The following VAV2 variants were observed in gnomAD, a reference collection of about 807,000 sequenced individuals.
VAV2 encodes guanine nucleotide exchange factor VAV2.
Under a neutral mutation model 132.5 loss-of-function variants are expected in VAV2, and 67 were observed. The observed-to-expected ratio is 0.51, with a 90% confidence interval of 0.42 to 0.62. VAV2 has a LOEUF of 0.62. Ranked by LOEUF, VAV2 falls within the 20% of genes least tolerant of loss-of-function variation. The probability of loss-of-function intolerance (pLI) is 0.00; values close to 1 mark genes in which losing one functional copy is unlikely to be tolerated. For synonymous variants in VAV2, 492 were observed against 443.5 expected (o/e 1.11, Z -1.37); for missense variants, 938 against 1,153.6 (o/e 0.81, Z 2.71).
chr9:133,872,229 A>G (rs1838084732), intron 2 of VAV2, among the ~76,000 whole-genome samples: 1 of 147,378 alleles, frequency 6.8e-6, no homozygotes, highest in Non-Finnish European at 1.5e-5. Context: ...GAGGGAAGAG[A>G]AGAAAGGGGC....
In VAV2 at chr9:133,879,655, C is replaced by G. The variant is rs115869906; in HGVS notation, c.322-18223G>C. 1.1e-4 allele frequency among the ~76,000 whole-genome samples: 16 copies of G among 152,304 alleles called. No individual in the cohort carries two copies. The South Asian group carries it at 3.3e-3, about 32-fold the overall frequency. ...AAGCAACAAGCCGCACACACCAGGACGAACAGCACTGCTGGCTCAGATGAA... is the reference window on the plus strand; with the variant it reads ...AAGCAACAAGCCGCACACACCAGGAGGAACAGCACTGCTGGCTCAGATGAA... On this transcript the variant is annotated intron_variant, in intron 2 of 29. Coordinates refer to ENST00000371850, the MANE Select transcript of VAV2 (RefSeq NM_001134398.2). The surrounding 1 kb of genome is among the most constrained non-coding windows in gnomAD (Gnocchi z 4.4).
intron 2 of VAV2, among the ~76,000 whole-genome samples, chr9:133,877,127 CA>C (rs1838295474): frequency 6.6e-6 from 1 of 152,172 alleles, no homozygotes; most frequent in Non-Finnish European, 1.5e-5. Flanking sequence ...CTGTTTCCCA[CA>C]GAACCCCCGC....
rs1392706234 is a variant in VAV2 at position 133,804,033 on chromosome 9, T to C, written c.836+2048A>G. Among the ~76,000 whole-genome samples the C allele has an allele frequency of 6.6e-6, 1 of 152,150 alleles. No homozygotes were observed. Among genetic ancestry groups the C allele is most frequent in the Non-Finnish European group, 1.5e-5 (1 of 68,024 alleles). On this transcript the variant is annotated intron_variant, in intron 9 of 29. Coordinates refer to ENST00000371850, the MANE Select transcript of VAV2 (RefSeq NM_001134398.2). This position sits in a 1 kb window ranked among gnomAD's most constrained non-coding sequence, Gnocchi z 4.5. ...GCCGCAGCTCCCCCCGGAGCTTCTC[T>C]ATCTTGTCTTGGTTCTCATCCATCC...
intron 4 of VAV2, among the ~76,000 whole-genome samples, chr9:133,812,861 C>CCA (rs1253739509): frequency 6.6e-6 from 1 of 152,186 alleles, no homozygotes; most frequent in African/African-American, 2.4e-5. Context: ...AGCTCACGGG[C>CCA]CACCTCCTCC....
chr9:133,869,701 G>A (rs1837952102), intron 2 of VAV2, among the ~76,000 whole-genome samples: 1 of 152,180 alleles, frequency 6.6e-6, no homozygotes, highest in Non-Finnish European at 1.5e-5. Flanking sequence ...TGCTCTCAGA[G>A]GCTCTGCCGA....
At chr9:133,952,606 G>GA (rs56366481) in intron 1 of VAV2, among the ~76,000 whole-genome samples, 55,254 of 148,390 alleles carry the variant, frequency 0.37, 10,369 homozygotes, top group Non-Finnish European at 0.42. Context: ...CTGTCTCGGG[G>GA]AAAAAAAAAA....
intron 13 of VAV2, 72 bp downstream of exon 13, chr9:133,791,711 G>T: frequency 7.4e-7 from 1 of 1,349,738 alleles, no homozygotes. Context: ...ACTCAATACT[G>T]GGGCTGTGAA....
chr9:133,785,046 CCA>C (rs1250715643), intron 17 of VAV2, among the ~76,000 whole-genome samples: 1 of 152,196 alleles, frequency 6.6e-6, no homozygotes, highest in Non-Finnish European at 1.5e-5. Context: ...CAGGCCTCCC[CCA>C]CAGAGCCTGG....
intron 2 of VAV2, among the ~76,000 whole-genome samples, chr9:133,865,067 G>A (rs2131880056): frequency 6.6e-6 from 1 of 152,320 alleles, no homozygotes; most frequent in Non-Finnish European, 1.5e-5. Context: ...AGTGCTCCCA[G>A]AGCCCAGGCA....
At chr9:133,783,644 C>A in intron 18 of VAV2, 53 bp from the exon 19 acceptor site, 2 of 1,565,020 alleles carry the variant, frequency 1.3e-6, no homozygotes, top group Admixed American at 3.4e-5. Context: ...GCTCCTCATG[C>A]CTCTCTGCCA....
chr9:133,983,310 C>G (rs112906086), intron 1 of VAV2, among the ~76,000 whole-genome samples: 2,932 of 152,344 alleles, frequency 0.019, 90 homozygotes, highest in African/African-American at 0.067. Flanking sequence ...GCCCACCACC[C>G]AGGCCAGAGC....
rs1491248432 is a variant in VAV2 at position 133,964,069 on chromosome 9, A to ATATG, written c.205-24851_205-24850insCATA. Among the ~76,000 whole-genome samples, 5 of 126,238 alleles carry ATATG rather than the reference A, an allele frequency of 4.0e-5. No individual in the cohort carries two copies. The South Asian group carries it at 1.2e-3, about 30-fold the overall frequency. The allele number at this position is 126,238 out of a possible 152,430, so 82.8% of individuals were successfully genotyped here. A position where few individuals can be genotyped will look rare whatever the true frequency, so the allele number is the denominator to read the frequency against. On this transcript the variant is annotated intron_variant, in intron 1 of 29. Transcript: ENST00000371850. ...TATATACATATATATACATATATATAAATGAATAGGCCAGGTATGTTGGCT... is the reference window on the plus strand; with the variant it reads ...TATATACATATATATACATATATATATATGAATGAATAGGCCAGGTATGTTGGCT...
At position 133,883,766 on chromosome 9, in the gene VAV2, C is replaced by T. The variant is rs1266555667; in HGVS notation, c.322-22334G>A. 6.6e-6 allele frequency among the ~76,000 whole-genome samples: 1 copy of T among 152,180 alleles called. No homozygotes were observed. The highest frequency in any genetic ancestry group is 1.5e-5 in the Non-Finnish European group (1 of 68,036). On this transcript the variant is annotated intron_variant, in intron 2 of 29. Coordinates refer to ENST00000371850, the MANE Select transcript of VAV2 (RefSeq NM_001134398.2). This position sits in a 1 kb window ranked among gnomAD's most constrained non-coding sequence, Gnocchi z 4.2. The stretch of plus-strand genomic sequence containing the variant: ...GCGGACGAGAAGCCCTCCCGGGATC[C>T]AGTGCCACTGTGAGGCTCAAGTACA...
intron 2 of VAV2, among the ~76,000 whole-genome samples, chr9:133,896,865 C>A (rs371795912): frequency 4.6e-5 from 7 of 152,180 alleles, no homozygotes; most frequent in South Asian, 2.1e-4. Flanking sequence ...GAGGCCGAGG[C>A]GGGCGGATCA....
intron 2 of VAV2, among the ~76,000 whole-genome samples, chr9:133,872,639 G>A (rs1453793962): frequency 1.3e-5 from 2 of 152,164 alleles, no homozygotes; most frequent in Admixed American, 6.5e-5. Context: ...TGGGACCCGG[G>A]GAGAGAAGAG....
intron 2 of VAV2, among the ~76,000 whole-genome samples, chr9:133,925,428 A>G (rs7855196): frequency 0.13 from 19,641 of 152,132 alleles, 2,197 homozygotes; most frequent in African/African-American, 0.3. Flanking sequence ...ACGTTGTCCA[A>G]GCTGGTCTTA....
intron 18 of VAV2, among the ~76,000 whole-genome samples, 174 bp from the exon 19 acceptor site, chr9:133,783,765 C>G (rs1439160490): frequency 2.6e-5 from 4 of 152,046 alleles, no homozygotes; most frequent in Non-Finnish European, 5.9e-5. Context: ...CAGCCTGACA[C>G]CTGCTTTCCC....
rs552607213 is a variant in VAV2, at chr9:133,788,690, C to T, written c.1275-204G>A. Reference sequence around the variant, plus strand: ...TGCTTCTCCAGGAAGCCTTCCTTGGCTCCCTACCCCCGTGACTGAGGCTGT... The same window carrying T: ...TGCTTCTCCAGGAAGCCTTCCTTGGTTCCCTACCCCCGTGACTGAGGCTGT... On this transcript the variant is annotated intron_variant, in intron 14 of 29. Coordinates refer to ENST00000371850, the MANE Select transcript of VAV2 (RefSeq NM_001134398.2). This position sits in a 1 kb window ranked among gnomAD's most constrained non-coding sequence, Gnocchi z 5.3. Among the ~76,000 whole-genome samples, 2 of 152,268 alleles carry T rather than the reference C, an allele frequency of 1.3e-5. No homozygotes were observed. Among genetic ancestry groups the T allele is most frequent in the Non-Finnish European group, 2.9e-5 (2 of 68,006 alleles).
chr9:133,793,072 GCCTGGA>G (rs2131626717), intron 12 of VAV2, among the ~76,000 whole-genome samples: 1 of 152,212 alleles, frequency 6.6e-6, no homozygotes, highest in South Asian at 2.1e-4. Context: ...TCCCCTTGGA[GCCTGGA>G]CAGAATGAGG....
Sources: allele counts gnomAD v4.1 joint callset (sites outside exome capture counted in the v4.1 genomes callset), GRCh38; gene constraint gnomAD v4.1.1; non-coding constraint Gnocchi (gnomAD v3.1); transcripts MANE v1.5; gene names NCBI Gene and HGNC (gene_info 2026-07-23, HGNC 2026-07-21).